The following CACNA2D1 variants were observed in gnomAD, a reference collection of about 807,000 sequenced individuals.
CACNA2D1 encodes the protein voltage-dependent calcium channel subunit alpha-2/delta-1.
A neutral mutation model predicts 171.5 loss-of-function variants in CACNA2D1; 53 were observed. That is an observed-to-expected ratio of 0.31 (90% confidence interval 0.25 to 0.39). The LOEUF (loss-of-function observed/expected upper bound fraction) is 0.39. CACNA2D1 is among the 10% of genes least tolerant of loss of function. The pLI is 1.00. For synonymous variants in CACNA2D1, 442 were observed against 443.1 expected, an observed-to-expected ratio of 1.00 and a Z score of 0.03; for missense variants, 903 against 1,299.8, an observed-to-expected ratio of 0.69 and a Z score of 4.69.
intron 1 of CACNA2D1, among the ~76,000 whole-genome samples, chr7:82,366,286 A>G (rs1821697974): frequency 6.6e-6 from 1 of 152,156 alleles, no homozygotes; most frequent in South Asian, 2.1e-4. Flanking sequence ...TATATTGTGT[A>G]ATGCTGAATT....
chr7:81,966,056 TATC>T (rs1036172228), intron 31 of CACNA2D1, among the ~76,000 whole-genome samples: 123 of 151,860 alleles, frequency 8.1e-4, no homozygotes, highest in African/African-American at 2.8e-3. Flanking sequence ...TTTAAAAAAA[TATC>T]ATTTTAGTTG....
chr7:82,349,860 T>A (rs995374884), intron 1 of CACNA2D1, among the ~76,000 whole-genome samples: 1 of 152,192 alleles, frequency 6.6e-6, no homozygotes, highest in Admixed American at 6.5e-5. Context: ...GATGCTGAAA[T>A]GCCTCCAAAT....
intron 6 of CACNA2D1, among the ~76,000 whole-genome samples, chr7:82,108,275 T>A (rs1354481748): frequency 2.0e-5 from 3 of 152,204 alleles, no homozygotes; most frequent in Admixed American, 6.5e-5. Flanking sequence ...TTTGACCTTT[T>A]AAGGGTTAGT....
chr7:82,385,769 A>G (rs985327753), intron 1 of CACNA2D1, among the ~76,000 whole-genome samples: 1 of 151,048 alleles, frequency 6.6e-6, no homozygotes, highest in African/African-American at 2.4e-5. Context: ...GGTTCAAACA[A>G]CTCTCCTGCC....
intron 1 of CACNA2D1, among the ~76,000 whole-genome samples, chr7:82,375,107 G>A (rs934601370): frequency 6.6e-6 from 1 of 152,026 alleles, no homozygotes; most frequent in Non-Finnish European, 1.5e-5. Context: ...CTCCCTCCTG[G>A]AGTCAGAGAG....
At chr7:82,060,150 GTAT>G (rs1806461832) in intron 10 of CACNA2D1, among the ~76,000 whole-genome samples, 1 of 16,740 alleles carries the variant, frequency 6.0e-5, no homozygotes, top group Admixed American at 1.2e-3. Context: ...TTATATATAT[GTAT>G]TATATATATA....
intron 4 of CACNA2D1, among the ~76,000 whole-genome samples, chr7:82,157,698 G>GA (rs2129125537): frequency 6.6e-6 from 1 of 152,012 alleles, no homozygotes; most frequent in East Asian, 1.9e-4. Context: ...ATAGGACTTT[G>GA]AAAAAAGAAT....
intron 3 of CACNA2D1, among the ~76,000 whole-genome samples, chr7:82,209,165 G>A (rs1800310613): frequency 6.6e-6 from 1 of 152,142 alleles, no homozygotes; most frequent in Admixed American, 6.6e-5. Flanking sequence ...AAAACCTGCA[G>A]AGTACATTTC....
At chr7:82,169,144 C>CA (rs201247491) in intron 4 of CACNA2D1, among the ~76,000 whole-genome samples, 548 of 151,458 alleles carry the variant, frequency 3.6e-3, no homozygotes, top group Admixed American at 8.1e-3. Flanking sequence ...TTTGCAAAAA[C>CA]AAAAAAAATC....
In CACNA2D1 at chr7:81,971,870, A is replaced by G. The variant is rs1795317606; in HGVS notation, c.2054-6T>C. On this transcript the variant is annotated splice_polypyrimidine_tract_variant and splice_region_variant and intron_variant, in intron 25 of 38. Coordinates refer to ENST00000356860, the MANE Select transcript of CACNA2D1 (RefSeq NM_000722.4). ...ATTAATCAAATCCGCGTTACCTAAC[A>G]CAGAAAAAGATCATCAGTTACACTC... 1.3e-6 allele frequency: 2 copies of G among 1,552,138 alleles called. No homozygotes were observed. Among genetic ancestry groups the G allele is most frequent in the African/African-American group, 2.7e-5 (2 of 73,816 alleles).
intron 24 of CACNA2D1, among the ~76,000 whole-genome samples, chr7:81,977,120 G>T (rs1795934927): frequency 6.6e-6 from 1 of 152,074 alleles, no homozygotes; most frequent in Non-Finnish European, 1.5e-5. Flanking sequence ...GTGCATCCTT[G>T]TCTTGTGCCT....
At chr7:82,245,658 T>TCACACA (rs1276289238) in intron 3 of CACNA2D1, among the ~76,000 whole-genome samples, 5 of 60,182 alleles carry the variant, frequency 8.3e-5, no homozygotes, top group African/African-American at 2.7e-4. Flanking sequence ...TCTCTCTCTC[T>TCACACA]CTCTCACACA....
Position 82,060,443 on chromosome 7 carries a change from G to A in CACNA2D1, c.864C>T (p.Phe288=), listed in dbSNP as rs1335680016. 2.5e-6 allele frequency: 4 copies of A among 1,606,078 alleles called. No homozygotes were observed. The highest frequency in any genetic ancestry group is 1.1e-5 in the South Asian group (1 of 90,872). The stretch of plus-strand genomic sequence containing the variant: ...TTATACTTACTGAAGCTACATTCAC[G>A]AAATCATCATCTGAGAGGGTTTCTA... ...EMLETLSDDD[F]VNVASFNSNA... The change falls in exon 10 of 39, where the codon TTC becomes TTT. Residue 288 remains phenylalanine, a synonymous_variant. Transcript: ENST00000356860.
At chr7:82,406,296 T>C (rs1230617006) in intron 1 of CACNA2D1, among the ~76,000 whole-genome samples, 1 of 152,216 alleles carries the variant, frequency 6.6e-6, no homozygotes, top group Non-Finnish European at 1.5e-5. Flanking sequence ...CTATCACTGA[T>C]GGACATTTGG....
At chr7:82,291,461 A>C (rs1308071408) in intron 3 of CACNA2D1, among the ~76,000 whole-genome samples, 1 of 134,558 alleles carries the variant, frequency 7.4e-6, no homozygotes, top group African/African-American at 2.7e-5. Context: ...ATATATATTA[A>C]ATATATAATA....
intron 1 of CACNA2D1, among the ~76,000 whole-genome samples, chr7:82,417,887 A>G (rs1828333873): frequency 6.6e-6 from 1 of 152,206 alleles, no homozygotes; most frequent in African/African-American, 2.4e-5. Context: ...TACGTTTTGT[A>G]AATAAAATGA....
At chr7:82,087,865 GATAAT>G (rs1366412981) in intron 6 of CACNA2D1, among the ~76,000 whole-genome samples, 11 of 152,116 alleles carry the variant, frequency 7.2e-5, no homozygotes. Context: ...GTAGATGATA[GATAAT>G]ATAACACTAA....
At chr7:82,114,986 T>G (rs1788876329) in intron 6 of CACNA2D1, among the ~76,000 whole-genome samples, 1 of 152,170 alleles carries the variant, frequency 6.6e-6, no homozygotes, top group South Asian at 2.1e-4. Flanking sequence ...TTACTAAATT[T>G]AGAAATAAAA....
chr7:82,139,945 C>CTATTAT (rs4018980), intron 4 of CACNA2D1, among the ~76,000 whole-genome samples: 16,441 of 142,798 alleles, frequency 0.12, 1,039 homozygotes, highest in African/African-American at 0.16. Flanking sequence ...ACACACCTGG[C>CTATTAT]TATTATTATT....
Sources: allele counts gnomAD v4.1 joint callset (sites outside exome capture counted in the v4.1 genomes callset), GRCh38; gene constraint gnomAD v4.1.1; transcripts MANE v1.5; gene names NCBI Gene and HGNC (gene_info 2026-07-23, HGNC 2026-07-21).